Variants in SENP7 observed in about 807,000 individuals in gnomAD.
SENP7 encodes sentrin-specific protease 7.
SENP7 carries 64 observed loss-of-function variants against 141.2 expected under a neutral mutation model. The observed-to-expected ratio is 0.45, with a 90% confidence interval of 0.37 to 0.56. The LOEUF (loss-of-function observed/expected upper bound fraction) is 0.56. Among genes scored for constraint, SENP7 ranks in the 20% least tolerant of loss-of-function variants. The probability of loss-of-function intolerance (pLI) is 0.00; values close to 1 mark genes in which losing one functional copy is unlikely to be tolerated. For synonymous variants in SENP7, 382 were observed against 426.4 expected (o/e 0.90, Z 1.28); for missense variants, 1,025 against 1,212.2 (o/e 0.85, Z 2.29).
chr3:101,349,332 A>G (rs59635534), intron 12 of SENP7, among the ~76,000 whole-genome samples: 294 of 152,078 alleles, frequency 1.9e-3, no homozygotes, highest in African/African-American at 6.9e-3. Flanking sequence ...CCATAGGTAC[A>G]TTTGATCCTA....
chr3:101,414,818 GAA>G (rs1457716988), intron 5 of SENP7, among the ~76,000 whole-genome samples: 2 of 138,760 alleles, frequency 1.4e-5, no homozygotes, highest in Non-Finnish European at 3.2e-5. Context: ...ACATGAAATG[GAA>G]AAAAGTGGTG....
chr3:101,467,557 G>A (rs1490978661), intron 3 of SENP7, among the ~76,000 whole-genome samples: 1 of 152,230 alleles, frequency 6.6e-6, no homozygotes, highest in Non-Finnish European at 1.5e-5. Context: ...GTGATACCCA[G>A]GCAAACTGGG....
chr3:101,377,320 A>C (rs773585172), intron 6 of SENP7, among the ~76,000 whole-genome samples: 2 of 152,152 alleles, frequency 1.3e-5, no homozygotes, highest in Non-Finnish European at 2.9e-5. Flanking sequence ...GGAGAAAGAC[A>C]GCCAGGTGAA....
chr3:101,427,970 C>A (rs1473773952), intron 4 of SENP7, among the ~76,000 whole-genome samples: 2 of 152,002 alleles, frequency 1.3e-5, no homozygotes, highest in East Asian at 1.9e-4. Context: ...TCTTGTGTTT[C>A]TTTTGTGAGA....
chr3:101,364,787 T>G (rs2059992155), intron 10 of SENP7, 47 bp downstream of exon 10: 1 of 1,267,586 alleles, frequency 7.9e-7, no homozygotes, highest in Non-Finnish European at 1.1e-6. Context: ...CATTAACCAA[T>G]AGTGTACATT....
chr3:101,494,019 C>A, intron 2 of SENP7, 51 bp from the exon 3 acceptor site: 2 of 1,136,864 alleles, frequency 1.8e-6, no homozygotes, highest in Non-Finnish European at 2.6e-6. Context: ...TATACAAGAG[C>A]TAATTCAGCT....
intron 3 of SENP7, among the ~76,000 whole-genome samples, chr3:101,471,738 T>C (rs2064003150): frequency 6.6e-6 from 1 of 152,092 alleles, no homozygotes; most frequent in Admixed American, 6.6e-5. Context: ...GGAGAAAATT[T>C]TTACAATCTA....
At chr3:101,331,696 G>C (rs2059059283) in intron 19 of SENP7, among the ~76,000 whole-genome samples, 1 of 152,016 alleles carries the variant, frequency 6.6e-6, no homozygotes, top group African/African-American at 2.4e-5. Context: ...TAATCCAGGT[G>C]AAACAGGTAT....
At chr3:101,493,103 A>G (rs2065026864) in intron 3 of SENP7, among the ~76,000 whole-genome samples, 2 of 152,210 alleles carry the variant, frequency 1.3e-5, no homozygotes, top group South Asian at 4.1e-4. Flanking sequence ...GCATGGATGA[A>G]GCTGGAGACC....
chr3:101,501,790 A>C (rs1212127695), intron 1 of SENP7, among the ~76,000 whole-genome samples: 2 of 152,234 alleles, frequency 1.3e-5, no homozygotes, highest in Non-Finnish European at 2.9e-5. Flanking sequence ...CTTAGAGTCT[A>C]CTGGAATATA....
At chr3:101,383,550 G>T (rs934852796) in intron 6 of SENP7, among the ~76,000 whole-genome samples, 5 of 152,182 alleles carry the variant, frequency 3.3e-5, no homozygotes, top group Non-Finnish European at 5.9e-5. Flanking sequence ...ACACTCAGAA[G>T]TGTCTGCTCC....
chr3:101,402,015 A>AC (rs1378504020), intron 5 of SENP7, among the ~76,000 whole-genome samples: 3 of 152,130 alleles, frequency 2.0e-5, no homozygotes, highest in African/African-American at 7.2e-5. Context: ...AAAAAAAAAA[A>AC]AAAACTATCT....
intron 4 of SENP7, among the ~76,000 whole-genome samples, chr3:101,450,806 A>G (rs2063102441): frequency 6.6e-6 from 1 of 152,218 alleles, no homozygotes; most frequent in Admixed American, 6.5e-5. Flanking sequence ...TAAAAGAACT[A>G]GAGAAGCAAG....
intron 6 of SENP7, 59 bp downstream of exon 6, chr3:101,398,802 A>G (rs2061046600): frequency 1.7e-6 from 2 of 1,191,038 alleles, no homozygotes; most frequent in East Asian, 2.5e-5. Flanking sequence ...GAAAAAGAAC[A>G]GGGAAGGATA....
intron 1 of SENP7, among the ~76,000 whole-genome samples, chr3:101,512,805 A>G (rs942999320): frequency 6.6e-6 from 1 of 152,188 alleles, no homozygotes; most frequent in African/African-American, 2.4e-5. Flanking sequence ...CCAACCGGGA[A>G]GATCCATGGG....
chr3:101,349,824 G>C (rs1261113931), intron 12 of SENP7, among the ~76,000 whole-genome samples: 2 of 152,048 alleles, frequency 1.3e-5, no homozygotes, highest in East Asian at 3.9e-4. Context: ...ACTAAAAGTG[G>C]GAGTTGCCTA....
intron 5 of SENP7, among the ~76,000 whole-genome samples, chr3:101,415,096 C>A (rs2061574107): frequency 6.6e-6 from 1 of 152,218 alleles, no homozygotes; most frequent in South Asian, 2.1e-4. Flanking sequence ...TCCATGAGGT[C>A]ACTAACTTAG....
chr3:101,338,803 T>TA (rs536047996), intron 16 of SENP7, among the ~76,000 whole-genome samples: 453 of 152,294 alleles, frequency 3.0e-3, no homozygotes, highest in African/African-American at 0.011. Flanking sequence ...AGACATTGGG[T>TA]AGAATACTCA....
chr3:101,432,596 T>A (rs2062225789), intron 4 of SENP7, among the ~76,000 whole-genome samples: 1 of 152,178 alleles, frequency 6.6e-6, no homozygotes, highest in East Asian at 1.9e-4. Context: ...GAATAGAGAC[T>A]GTATGTTTGG....
Sources: gnomAD v4.1 joint callset for allele counts (sites outside exome capture counted in the v4.1 genomes callset) on GRCh38, gnomAD v4.1.1 for gene constraint, MANE v1.5 for transcripts, NCBI Gene and HGNC (gene_info 2026-07-23, HGNC 2026-07-21) for gene names.